The following UNC5C variants were observed in gnomAD, a reference collection of about 807,000 sequenced individuals.
The protein encoded by UNC5C is unc-5 netrin receptor C.
Under a neutral mutation model 99.8 loss-of-function variants are expected in UNC5C, and 47 were observed. That is an observed-to-expected ratio of 0.47 (90% CI 0.37 to 0.60). UNC5C has a LOEUF of 0.60. Among genes scored for constraint, UNC5C ranks in the 20% least tolerant of loss-of-function variants. The probability of loss-of-function intolerance (pLI) is 0.00; values close to 1 mark genes in which losing one functional copy is unlikely to be tolerated. For synonymous variants in UNC5C, 487 were observed against 452.2 expected, an observed-to-expected ratio of 1.08 and a Z score of -0.98; for missense variants, 1,062 against 1,165.9, an observed-to-expected ratio of 0.91 and a Z score of 1.30.
intron 2 of UNC5C, among the ~76,000 whole-genome samples, chr4:95,327,501 A>G (rs768681577): frequency 3.9e-5 from 6 of 152,210 alleles, no homozygotes; most frequent in African/African-American, 1.4e-4. Flanking sequence ...AAAAATTCCA[A>G]TGCACATACA....
chr4:95,203,623 C>T (rs931907750), intron 11 of UNC5C, among the ~76,000 whole-genome samples: 1 of 152,130 alleles, frequency 6.6e-6, no homozygotes, highest in African/African-American at 2.4e-5. Flanking sequence ...GTGTGTGCAA[C>T]CACACCTGGC....
chr4:95,467,383 A>C (rs1305587200), intron 1 of UNC5C, among the ~76,000 whole-genome samples: 3 of 152,130 alleles, frequency 2.0e-5, no homozygotes, highest in African/African-American at 7.2e-5. Flanking sequence ...GAGAGAGAGA[A>C]ACATATAAAG....
chr4:95,285,670 C>A (rs1034920688), intron 3 of UNC5C, among the ~76,000 whole-genome samples: 2 of 151,990 alleles, frequency 1.3e-5, no homozygotes, highest in Non-Finnish European at 2.9e-5. Flanking sequence ...TGTTATGACC[C>A]TTGAGAGGGT....
chr4:95,418,368 T>C (rs1169995725), intron 1 of UNC5C, among the ~76,000 whole-genome samples: 1 of 152,246 alleles, frequency 6.6e-6, no homozygotes, highest in Non-Finnish European at 1.5e-5. Flanking sequence ...TTCACTTTGA[T>C]TCATTGACAA....
chr4:95,283,474 C>T (rs780980420), intron 3 of UNC5C, among the ~76,000 whole-genome samples: 1 of 152,182 alleles, frequency 6.6e-6, no homozygotes, highest in Non-Finnish European at 1.5e-5. Flanking sequence ...GGATATATCG[C>T]GGCCGTGCAG....
chr4:95,237,984 G>A (rs903236112), intron 7 of UNC5C, among the ~76,000 whole-genome samples: 3 of 152,152 alleles, frequency 2.0e-5, no homozygotes, highest in Non-Finnish European at 2.9e-5. Context: ...AGAGGTTGCA[G>A]TGAGCCGAGT....
In UNC5C at chr4:95,219,591, C is replaced by T. The variant is rs189964524; in HGVS notation, c.1301-278G>A. On this transcript the variant is annotated intron_variant, in intron 8 of 15. Coordinates refer to ENST00000453304, the MANE Select transcript of UNC5C (RefSeq NM_003728.4). Reference sequence around the variant, plus strand: ...TATTTCAACAGATTGGATTGAACAACGAGCCTCACTAGGTGACGATTAGCT... The same window carrying T: ...TATTTCAACAGATTGGATTGAACAATGAGCCTCACTAGGTGACGATTAGCT... 5.3e-5 allele frequency among the ~76,000 whole-genome samples: 8 copies of T among 152,238 alleles called. No homozygotes were observed. The South Asian group carries it at 6.2e-4, about 12-fold the overall frequency.
intron 1 of UNC5C, among the ~76,000 whole-genome samples, chr4:95,477,187 A>T (rs1720941665): frequency 6.6e-6 from 1 of 152,048 alleles, no homozygotes; most frequent in Non-Finnish European, 1.5e-5. Flanking sequence ...GACATATATT[A>T]GGTTCCCTCT....
chr4:95,178,317 C>T (rs540966729), intron 14 of UNC5C, among the ~76,000 whole-genome samples: 2 of 152,218 alleles, frequency 1.3e-5, no homozygotes, highest in Non-Finnish European at 2.9e-5. Flanking sequence ...AAGTCCTGTG[C>T]CCTGGGGCCC....
chr4:95,342,575 C>T (rs1579341391), intron 1 of UNC5C, among the ~76,000 whole-genome samples: 1 of 151,834 alleles, frequency 6.6e-6, no homozygotes, highest in African/African-American at 2.4e-5. Context: ...CATATGGCTT[C>T]AGACTGAGCA....
intron 1 of UNC5C, among the ~76,000 whole-genome samples, chr4:95,426,843 G>A (rs945128209): frequency 6.6e-6 from 1 of 152,196 alleles, no homozygotes; most frequent in Non-Finnish European, 1.5e-5. Context: ...CGTTCATGAG[G>A]TTCACGGAAA....
At chr4:95,179,003 C>T (rs896665057) in intron 14 of UNC5C, among the ~76,000 whole-genome samples, 1 of 152,184 alleles carries the variant, frequency 6.6e-6, no homozygotes, top group Non-Finnish European at 1.5e-5. Flanking sequence ...TCTTCCTTTA[C>T]TTCCAGGTAA....
chr4:95,534,058 G>A (rs1722715996), intron 1 of UNC5C, among the ~76,000 whole-genome samples: 1 of 152,216 alleles, frequency 6.6e-6, no homozygotes, highest in African/African-American at 2.4e-5. Context: ...AAACCATACT[G>A]TTGACTGCAG....
chr4:95,293,749 C>T (rs1043679049), intron 3 of UNC5C, among the ~76,000 whole-genome samples: 3 of 152,164 alleles, frequency 2.0e-5, no homozygotes, highest in Non-Finnish European at 4.4e-5. Flanking sequence ...TGGCCTGACT[C>T]ACTGCTCCAT....
At chr4:95,228,538 G>A (rs2149371953) in intron 7 of UNC5C, among the ~76,000 whole-genome samples, 1 of 152,290 alleles carries the variant, frequency 6.6e-6, no homozygotes, top group African/African-American at 2.4e-5. Flanking sequence ...TTAACCCTTT[G>A]AGTATAGAGT....
At chr4:95,250,127 T>C (rs1739640613) in intron 5 of UNC5C, among the ~76,000 whole-genome samples, 1 of 152,118 alleles carries the variant, frequency 6.6e-6, no homozygotes, top group African/African-American at 2.4e-5. Flanking sequence ...AGGGCTGAGG[T>C]TGTCTGAGCC....
intron 1 of UNC5C, among the ~76,000 whole-genome samples, chr4:95,427,858 C>T (rs1000431875): frequency 5.3e-5 from 8 of 152,080 alleles, no homozygotes; most frequent in Non-Finnish European, 8.8e-5. Flanking sequence ...TTTATATTTT[C>T]CCACATCTGT....
chr4:95,317,877 A>T (rs984091762), intron 2 of UNC5C, among the ~76,000 whole-genome samples: 1 of 152,118 alleles, frequency 6.6e-6, no homozygotes, highest in East Asian at 1.9e-4. Flanking sequence ...TCCCTCCTGC[A>T]CTGTCATATT....
intron 3 of UNC5C, among the ~76,000 whole-genome samples, chr4:95,287,753 G>A (rs1252696057): frequency 6.6e-6 from 1 of 152,214 alleles, no homozygotes; most frequent in African/African-American, 2.4e-5. Context: ...CTCCTGATAT[G>A]CAATGTGCCT....
Sources: allele counts gnomAD v4.1 joint callset (sites outside exome capture counted in the v4.1 genomes callset), GRCh38; gene constraint gnomAD v4.1.1; transcripts MANE v1.5; gene names NCBI Gene and HGNC (gene_info 2026-07-23, HGNC 2026-07-21).